The following RBM20 variants were observed in gnomAD, a reference collection of about 807,000 sequenced individuals.
RBM20 encodes RNA binding motif protein 20.
A neutral mutation model predicts 110.1 loss-of-function variants in RBM20; 51 were observed. That is an observed-to-expected ratio of 0.46 (90% CI 0.37 to 0.59). The LOEUF is 0.59. Among genes scored for constraint, RBM20 ranks in the 20% least tolerant of loss-of-function variants. RBM20 has a pLI of 0.00. For synonymous variants in RBM20, 589 were observed against 618.2 expected (o/e 0.95, Z 0.70); for missense variants, 1,512 against 1,574.9 (o/e 0.96, Z 0.68).
rs922138165 is a variant in RBM20, at chr10:110,812,582, G to A, written c.2185G>A (p.Gly729Arg). ...GGCTGAGTTGGACGAGCGACCAGAA[G>A]GAGGGAGGCCCCACCGGGAGAAGTA... ...DKAELDERPE[G>R]GRPHREKYPR... is the part of the protein sequence containing the mutation. The change falls in exon 9 of 14, where the codon GGA becomes AGA. Residue 729 changes from glycine (G) to arginine (R), a missense_variant. Physicochemically the swap from Gly to Arg is moderately radical, Grantham distance 125. Transcript: ENST00000369519. 1.3e-6 allele frequency: 2 copies of A among 1,551,596 alleles called. No individual in the cohort carries two copies. The highest frequency in any genetic ancestry group is 1.7e-6 in the Non-Finnish European group (2 of 1,147,004).
At chr10:110,678,514 CTTATTGTTCATTTCTGGGAAGGTACAGT>C (rs539528810) in intron 1 of RBM20, among the ~76,000 whole-genome samples, 2 of 152,298 alleles carry the variant, frequency 1.3e-5, no homozygotes, top group Admixed American at 6.5e-5. Flanking sequence ...TGATTTCTCC[CTTATTGTTCATTTCTGGGAAGGTACAGT>C]TTGGTTTTGG....
At chr10:110,689,275 C>T (rs1036920751) in intron 1 of RBM20, among the ~76,000 whole-genome samples, 1 of 152,218 alleles carries the variant, frequency 6.6e-6, no homozygotes, top group Non-Finnish European at 1.5e-5. Flanking sequence ...ATGAGTCAGG[C>T]TCTGCTGGAG....
rs1349175805 is a variant in RBM20, at chr10:110,644,954, A to G, written c.191+309A>G. On this transcript the variant is annotated intron_variant, in intron 1 of 13. Transcript: ENST00000369519. This position sits in a 1 kb window ranked among gnomAD's most constrained non-coding sequence, Gnocchi z 4.3. ...TGGGGGGAAATGGCCCAGCGACTGT[A>G]TTTCATCTTTCTGGTCCCAAGAGGA... 6.6e-6 allele frequency among the ~76,000 whole-genome samples: 1 copy of G among 152,048 alleles called. No individual in the cohort carries two copies. The highest frequency in any genetic ancestry group is 1.5e-5 in the Non-Finnish European group (1 of 68,014).
intron 1 of RBM20, among the ~76,000 whole-genome samples, chr10:110,767,723 A>G (rs1485297973): frequency 4.8e-5 from 7 of 145,892 alleles, no homozygotes; most frequent in Non-Finnish European, 1.5e-5. Context: ...CCCACATCTC[A>G]GACGATGGGC....
At chr10:110,729,902 G>C (rs919075523) in intron 1 of RBM20, among the ~76,000 whole-genome samples, 1 of 152,134 alleles carries the variant, frequency 6.6e-6, no homozygotes, top group East Asian at 1.9e-4. Context: ...TGCGACCTAC[G>C]CCTCCCAGGT....
At chr10:110,645,251 G>T (rs1485999198) in intron 1 of RBM20, among the ~76,000 whole-genome samples, 3 of 152,186 alleles carry the variant, frequency 2.0e-5, no homozygotes, top group African/African-American at 7.2e-5. Context: ...TGAATTCTCA[G>T]GTCGGCCTTC....
At chr10:110,726,263 G>C (rs1417108410) in intron 1 of RBM20, among the ~76,000 whole-genome samples, 1 of 152,160 alleles carries the variant, frequency 6.6e-6, no homozygotes. Flanking sequence ...GCCTGTCTCA[G>C]AGTTGGAGAT....
At chr10:110,715,279 G>GA (rs1375257587) in intron 1 of RBM20, among the ~76,000 whole-genome samples, 2 of 152,052 alleles carry the variant, frequency 1.3e-5, no homozygotes, top group African/African-American at 4.8e-5. Flanking sequence ...AACAAACAAA[G>GA]AAAAAACCCA....
intron 5 of RBM20, among the ~76,000 whole-genome samples, chr10:110,793,210 C>T (rs1279490346): frequency 2.0e-5 from 3 of 152,336 alleles, no homozygotes; most frequent in Non-Finnish European, 4.4e-5. Context: ...GGATTGAACC[C>T]AGGCCCTCTG....
At chr10:110,724,103 T>C (rs11195284) in intron 1 of RBM20, among the ~76,000 whole-genome samples, 90,195 of 151,966 alleles carry the variant, frequency 0.59, 27,903 homozygotes, top group East Asian at 1. Flanking sequence ...GTCAGGTCTA[T>C]TGACTTCAGG....
chr10:110,821,710 G>T lies in RBM20; in HGVS notation c.3091G>T (p.Gly1031Ter), dbSNP rs794729157. ...DSDCYEKEAKGVESSDVHPAP... is the reference protein window; with the variant it reads ...DSDCYEKEAK ...AGATTGCTACGAGAAGGAGGCAAAGGGAGTGGAGAGCTCAGATGTTCATCC... is the reference window on the plus strand; with the variant it reads ...AGATTGCTACGAGAAGGAGGCAAAGTGAGTGGAGAGCTCAGATGTTCATCC... Residue 1031 changes from glycine to a stop codon, truncating the protein, a stop_gained, in exon 11 of 14, where the codon GGA (glycine) becomes TGA (stop). Transcript: ENST00000369519. LOFTEE classifies it high-confidence loss of function. 2 of 1,551,798 alleles carry T rather than the reference G, an allele frequency of 1.3e-6. No homozygotes were observed. The highest frequency in any genetic ancestry group is 8.7e-7 in the Non-Finnish European group (1 of 1,147,014).
At chr10:110,720,439 G>A (rs372585726) in intron 1 of RBM20, among the ~76,000 whole-genome samples, 31 of 152,168 alleles carry the variant, frequency 2.0e-4, no homozygotes, top group African/African-American at 5.6e-4. Flanking sequence ...CAGTGCAACC[G>A]CGGGACTGGA....
intron 5 of RBM20, among the ~76,000 whole-genome samples, chr10:110,790,635 T>C (rs1844472200): frequency 6.6e-6 from 1 of 152,244 alleles, no homozygotes; most frequent in Admixed American, 6.5e-5. Context: ...ACAAACCAGA[T>C]AACGTCATAC....
intron 1 of RBM20, among the ~76,000 whole-genome samples, chr10:110,700,707 A>T (rs1862744427): frequency 1.3e-5 from 2 of 152,142 alleles, no homozygotes; most frequent in Non-Finnish European, 2.9e-5. Context: ...AGGAAATGGG[A>T]TGGGCAACAA....
Position 110,812,433 on chromosome 10 carries a change from C to T in RBM20, c.2036C>T (p.Ser679Phe), listed in dbSNP as rs1422242905. 1.3e-6 allele frequency: 2 copies of T among 1,551,624 alleles called. No homozygotes were observed. The highest frequency in any genetic ancestry group is 1.2e-5 in the South Asian group (1 of 84,070). ...AATGGCCGGGACTCCTGGGAGCACT[C>T]TCCCTATGCCAGGAGGGAGGAAGAG... Reference protein sequence around the residue: ...WGNGRDSWEHSPYARREEERD... With the variant: ...WGNGRDSWEHFPYARREEERD... The change falls in exon 9 of 14, where the codon TCT becomes TTT. Residue 679 changes from serine to phenylalanine, a missense_variant. By Grantham distance (155) the Ser-to-Phe change is radical (BLOSUM62 -2). Transcript: ENST00000369519.
At chr10:110,750,249 A>G (rs1283295192) in intron 1 of RBM20, among the ~76,000 whole-genome samples, 1 of 152,220 alleles carries the variant, frequency 6.6e-6, no homozygotes, top group Non-Finnish European at 1.5e-5. Context: ...GCAACTACCA[A>G]CCTCAGCATG....
chr10:110,807,910 G>A (rs778943815), intron 7 of RBM20, among the ~76,000 whole-genome samples: 74 of 152,384 alleles, frequency 4.9e-4, no homozygotes, highest in Middle Eastern at 3.4e-3. Flanking sequence ...GCAAGCCACA[G>A]ATTTGGGAGG....
chr10:110,763,978 C>T (rs1329307453), intron 1 of RBM20, among the ~76,000 whole-genome samples: 1 of 152,132 alleles, frequency 6.6e-6, no homozygotes, highest in Non-Finnish European at 1.5e-5. Flanking sequence ...TGACAACAAA[C>T]TGTTTCCAGC....
At chr10:110,780,458 G>T (rs1844322038) in intron 1 of RBM20, among the ~76,000 whole-genome samples, 1 of 152,118 alleles carries the variant, frequency 6.6e-6, no homozygotes, top group Admixed American at 6.5e-5. Context: ...TGTATGCGTT[G>T]ATTATCATTG....
Sources: allele counts gnomAD v4.1 joint callset (sites outside exome capture counted in the v4.1 genomes callset), GRCh38; gene constraint gnomAD v4.1.1; non-coding constraint Gnocchi (gnomAD v3.1); transcripts MANE v1.5; gene names NCBI Gene and HGNC (gene_info 2026-07-23, HGNC 2026-07-21).